Variants in C5orf46 observed in about 807,000 individuals in gnomAD.
C5orf46 encodes uncharacterized protein C5orf46.
A neutral mutation model predicts 8.9 loss-of-function variants in C5orf46; 9 were observed. The ratio of observed to expected loss-of-function variants is 1.01; its 90% CI spans 0.61 to 1.76. C5orf46 has a LOEUF of 1.76. C5orf46 is among the 40% of genes most tolerant of loss of function. The pLI, the probability that C5orf46 is intolerant of heterozygous loss-of-function variation, is 0.00. For missense variants in C5orf46, 98 were observed against 107.8 expected (o/e 0.91, Z 0.40); for synonymous variants, 47 against 41.4 (o/e 1.14, Z -0.52).
At chr5:147,898,189 T>C (rs1757612731) in intron 2 of C5orf46, among the ~76,000 whole-genome samples, 1 of 152,120 alleles carries the variant, frequency 6.6e-6, no homozygotes, top group Non-Finnish European at 1.5e-5. Context: ...GTGAAACTTA[T>C]TAGAAATCCA....
At chr5:147,886,061 GA>G (rs1406118357) in intron 2 of C5orf46, 1 of 152,054 alleles carries the variant, frequency 6.6e-6, no homozygotes, top group African/African-American at 2.4e-5. Context: ...TATGCTGAGT[GA>G]AAAAATGTCA....
At chr5:147,891,722 A>G (rs937734691), downstream of C5orf46, among the ~76,000 whole-genome samples, 1 of 152,222 alleles carries the variant, frequency 6.6e-6, no homozygotes, top group Non-Finnish European at 1.5e-5. Context: ...TGTGTGCCAG[A>G]TACTGAATAT....
chr5:147,897,111 C>T (rs540754160), intron 2 of C5orf46, 70 bp from the exon 3 acceptor site: 30 of 684,610 alleles, frequency 4.4e-5, no homozygotes, highest in African/African-American at 2.7e-4. Flanking sequence ...ATCACTAAGG[C>T]GCTGTATAAT....
chr5:147,905,220 C>T (rs1757732417), intron 1 of C5orf46, among the ~76,000 whole-genome samples: 1 of 151,972 alleles, frequency 6.6e-6, no homozygotes, highest in African/African-American at 2.4e-5. Context: ...ATATAATGTT[C>T]TTAATAAACA....
At chr5:147,888,827 A>G (rs796981611), downstream of C5orf46, among the ~76,000 whole-genome samples, 8 of 152,252 alleles carry the variant, frequency 5.3e-5, no homozygotes, top group African/African-American at 1.7e-4. Context: ...TGGTTTTGGG[A>G]GTATATGCAT....
intron 1 of C5orf46, among the ~76,000 whole-genome samples, chr5:147,905,583 G>T (rs1447305858): frequency 1.3e-5 from 2 of 152,142 alleles, no homozygotes; most frequent in Non-Finnish European, 2.9e-5. Context: ...CTGTTTTCTG[G>T]TCTATCATTC....
chr5:147,889,730 G>A (rs1757474960), downstream of C5orf46, among the ~76,000 whole-genome samples: 1 of 152,108 alleles, frequency 6.6e-6, no homozygotes, highest in African/African-American at 2.4e-5. Context: ...ACAGACTTTT[G>A]TTCGAGTTTG....
chr5:147,898,219 GA>G (rs1182371025), intron 2 of C5orf46, among the ~76,000 whole-genome samples: 1 of 152,184 alleles, frequency 6.6e-6, no homozygotes, highest in Non-Finnish European at 1.5e-5. Context: ...ACTTGGGAAA[GA>G]GATGATAAAG....
intron 2 of C5orf46, among the ~76,000 whole-genome samples, chr5:147,900,160 T>G (rs1343091899): frequency 1.3e-5 from 2 of 152,150 alleles, no homozygotes; most frequent in Non-Finnish European, 2.9e-5. Flanking sequence ...TGGGTGGTGC[T>G]CCTATTGTCG....
At chr5:147,886,207 T>C (rs1580977893) in intron 2 of C5orf46, 2 of 152,102 alleles carry the variant, frequency 1.3e-5, no homozygotes, top group African/African-American at 2.4e-5. Context: ...GTGAGTGTGT[T>C]ATATAAGAGC....
chr5:147,906,289 C>A (rs1169688333), intron 1 of C5orf46, 143 bp downstream of exon 1: 3 of 451,862 alleles, frequency 6.6e-6, no homozygotes, highest in Non-Finnish European at 1.2e-5. Context: ...TTAGAAGATA[C>A]ACCTCTTGTC....
intron 2 of C5orf46, among the ~76,000 whole-genome samples, chr5:147,898,801 G>A (rs1757622889): frequency 6.6e-6 from 1 of 152,078 alleles, no homozygotes; most frequent in Admixed American, 6.6e-5. Context: ...AAGGGTGAGA[G>A]GAGTTAAGAA....
chr5:147,897,836 C>T (rs1757607199), intron 2 of C5orf46, among the ~76,000 whole-genome samples: 1 of 152,076 alleles, frequency 6.6e-6, no homozygotes, highest in African/African-American at 2.4e-5. Flanking sequence ...TGGGGCTAGG[C>T]ATTTTCAGCA....
chr5:147,895,062 C>CA (rs5872049), intron 3 of C5orf46, among the ~76,000 whole-genome samples: 35,344 of 139,604 alleles, frequency 0.25, 7,234 homozygotes, highest in African/African-American at 0.58. Flanking sequence ...GACTCTGTCT[C>CA]AAAAAAAAAA....
intron 1 of C5orf46, among the ~76,000 whole-genome samples, chr5:147,904,905 A>G (rs548933623): frequency 8.0e-5 from 12 of 150,188 alleles, no homozygotes; most frequent in African/African-American, 2.7e-4. Context: ...CACTTATCGT[A>G]GTACCAATCC....
At chr5:147,888,819 G>A (rs1196000133), downstream of C5orf46, among the ~76,000 whole-genome samples, 1 of 152,082 alleles carries the variant, frequency 6.6e-6, no homozygotes, top group African/African-American at 2.4e-5. Flanking sequence ...AAATTGTGTG[G>A]TTTTGGGAGT....
At chr5:147,901,908 A>G (rs2127131144) in intron 1 of C5orf46, 135 bp from the exon 2 acceptor site, 1 of 852,560 alleles carries the variant, frequency 1.2e-6, no homozygotes, top group South Asian at 2.0e-5. Context: ...TTCATCGAAC[A>G]TTTAATGCCT....
chr5:147,901,903 C>T (rs1022553836), intron 1 of C5orf46, 130 bp from the exon 2 acceptor site: 8 of 913,736 alleles, frequency 8.8e-6, no homozygotes, highest in South Asian at 2.0e-5. Context: ...TTATATTCAT[C>T]GAACATTTAA....
rs780444119 is a variant in C5orf46 at position 147,901,733 on chromosome 5, C to T, written c.111G>A (p.Ser37=). The change falls in exon 2 of 4, where the codon TCG becomes TCA. Residue 37 remains serine, a synonymous_variant. Coordinates refer to ENST00000318315, the MANE Select transcript of C5orf46 (RefSeq NM_206966.3). ...GGAAGTCTGGCTTTGGGTCTTTGCC[C>T]GAGTCGTCTGGCTTGTCGTCTGGCT... ...PDKPDDKPDD[S]GKDPKPDFPK... 3.8e-5 allele frequency: 62 copies of T among 1,613,698 alleles called. No individual in the cohort carries two copies. Among genetic ancestry groups the T allele is most frequent in the Middle Eastern group, 1.6e-4 (1 of 6,084 alleles).
Sources: gnomAD v4.1 joint callset for allele counts (sites outside exome capture counted in the v4.1 genomes callset) on GRCh38, gnomAD v4.1.1 for gene constraint, MANE v1.5 for transcripts, NCBI Gene and HGNC (gene_info 2026-07-23, HGNC 2026-07-21) for gene names.